DISC1: variants seen among roughly 807,000 people sequenced by gnomAD.
DISC1 encodes the protein disrupted in schizophrenia 1 protein.
Under a neutral mutation model 84.5 loss-of-function variants are expected in DISC1, and 57 were observed. That is an observed-to-expected ratio of 0.67 (90% confidence interval 0.55 to 0.84). The LOEUF is 0.84. DISC1 is among the 40% of genes least tolerant of loss of function. The pLI is 0.00. For missense variants in DISC1, 1,000 were observed against 1,057.8 expected (o/e 0.95, Z 0.76); for synonymous variants, 411 against 415.2 (o/e 0.99, Z 0.12).
chr1:232,002,124 A>T (rs1666763032), intron 10 of DISC1, among the ~76,000 whole-genome samples: 2 of 152,190 alleles, frequency 1.3e-5, no homozygotes, highest in African/African-American at 4.8e-5. Context: ...ACGTGAAAAG[A>T]TAGTCAACAT....
intron 3 of DISC1, among the ~76,000 whole-genome samples, chr1:231,734,952 T>C (rs756750349): frequency 5.3e-5 from 8 of 152,240 alleles, no homozygotes; most frequent in South Asian, 2.1e-4. Context: ...CCCTAAGCTG[T>C]TTAGCATTAA....
intron 3 of DISC1, among the ~76,000 whole-genome samples, chr1:231,714,009 TAAAG>T (rs1488497185): frequency 1.3e-5 from 2 of 151,730 alleles, no homozygotes; most frequent in Non-Finnish European, 2.9e-5. Flanking sequence ...TAGAAAATCT[TAAAG>T]AATCCACAAG....
intron 9 of DISC1, chr1:231,819,225 T>C (rs1439661751): frequency 1.3e-6 from 1 of 790,890 alleles, no homozygotes; most frequent in East Asian, 1.3e-4. Flanking sequence ...AATATATATA[T>C]GAATAAATGG....
intron 1 of DISC1, among the ~76,000 whole-genome samples, chr1:231,634,817 G>C (rs1239873980): frequency 6.6e-6 from 1 of 152,054 alleles, no homozygotes; most frequent in East Asian, 1.9e-4. Context: ...AGGCTGGGGC[G>C]GGAGGATTGC....
chr1:231,719,437 T>C (rs112596681), intron 3 of DISC1, among the ~76,000 whole-genome samples: 28 of 152,368 alleles, frequency 1.8e-4, no homozygotes, highest in African/African-American at 6.5e-4. Context: ...AATAGAATTA[T>C]AAAGCATTAG....
chr1:231,637,283 A>G (rs1442404778), intron 1 of DISC1, among the ~76,000 whole-genome samples: 1 of 152,224 alleles, frequency 6.6e-6, no homozygotes, highest in African/African-American at 2.4e-5. Flanking sequence ...ATGTATCTTT[A>G]TAGTAGAATG....
chr1:231,693,977 C>G lies in DISC1; in HGVS notation c.219C>G (p.Gly73=). The part of the protein sequence containing the change: ...TLFRFPGGVS[G]EESHHSESRA... ...TCCGGTTCCCAGGAGGGGTGTCTGGCGAGGAGTCCCACCACTCGGAGTCCA... is the reference window on the plus strand; with the variant it reads ...TCCGGTTCCCAGGAGGGGTGTCTGGGGAGGAGTCCCACCACTCGGAGTCCA... Residue 73 remains glycine, a synonymous_variant, in exon 2 of 13, where the codon GGC becomes GGG. Coordinates refer to ENST00000439617, the MANE Select transcript of DISC1 (RefSeq NM_018662.3). The G allele has an allele frequency of 6.2e-7, 1 of 1,613,978 alleles. No homozygotes were observed. Among genetic ancestry groups the G allele is most frequent in the Non-Finnish European group, 8.5e-7 (1 of 1,179,916 alleles).
intron 9 of DISC1, among the ~76,000 whole-genome samples, chr1:231,898,864 C>T (rs571534837): frequency 2.6e-5 from 4 of 151,986 alleles, no homozygotes; most frequent in South Asian, 2.1e-4. Flanking sequence ...ACCCAGCAGG[C>T]AGAGGTTGCA....
chr1:231,985,379 C>T (rs1374459502), intron 10 of DISC1, among the ~76,000 whole-genome samples: 1 of 151,580 alleles, frequency 6.6e-6, no homozygotes. Context: ...GTAGTACCCC[C>T]TTCAGTGTGT....
rs1305325448 is a variant in DISC1 at position 231,694,327 on chromosome 1, G to T, written c.569G>T (p.Gly190Val). Residue 190 changes from glycine (G) to valine (V), a missense_variant, in exon 2 of 13, where the codon GGC becomes GTC. Around this residue, in one of 3 missense-constraint regions of DISC1, gnomAD observed 292 missense variants for 280.2 expected, o/e 1.04. Transcript: ENST00000439617. ...AELSSNSCSPGCGPEVPPTPP... is the reference protein window; with the variant it reads ...AELSSNSCSPVCGPEVPPTPP... ...TTGAGTAGCAACAGCTGCAGCCCTGGCTGTGGCCCTGAGGTCCCCCCAACC... is the reference window on the plus strand; with the variant it reads ...TTGAGTAGCAACAGCTGCAGCCCTGTCTGTGGCCCTGAGGTCCCCCCAACC... The T allele has an allele frequency of 1.2e-6, 2 of 1,614,244 alleles. No homozygotes were observed. Among genetic ancestry groups the T allele is most frequent in the Non-Finnish European group, 1.7e-6 (2 of 1,180,036 alleles).
At chr1:231,654,081 G>A (rs2060857607) in intron 1 of DISC1, among the ~76,000 whole-genome samples, 1 of 152,114 alleles carries the variant, frequency 6.6e-6, no homozygotes, top group Admixed American at 6.5e-5. Context: ...GGTCTCCATG[G>A]TCCGAGCTCT....
intron 9 of DISC1, among the ~76,000 whole-genome samples, chr1:231,856,815 G>C (rs1334045040): frequency 6.6e-6 from 1 of 152,192 alleles, no homozygotes; most frequent in African/African-American, 2.4e-5. Flanking sequence ...CCAGAAAGGA[G>C]TGCCCCAAAC....
intron 6 of DISC1, among the ~76,000 whole-genome samples, chr1:231,776,132 G>A (rs1261735370): frequency 6.6e-6 from 1 of 152,122 alleles, no homozygotes; most frequent in African/African-American, 2.4e-5. Flanking sequence ...TTATGTGTCT[G>A]GAAAACCAGG....
chr1:232,032,677 G>C (rs1211875389), intron 12 of DISC1, among the ~76,000 whole-genome samples: 2 of 152,302 alleles, frequency 1.3e-5, no homozygotes, highest in East Asian at 3.9e-4. Flanking sequence ...TAAGGCACAG[G>C]CTTCATAAGA....
intron 8 of DISC1, among the ~76,000 whole-genome samples, chr1:231,811,858 G>A (rs1008979636): frequency 6.6e-6 from 1 of 152,172 alleles, no homozygotes; most frequent in Non-Finnish European, 1.5e-5. Context: ...CCTTCACAAG[G>A]TTACCTCTGG....
chr1:231,985,433 A>G (rs952876135), intron 10 of DISC1, among the ~76,000 whole-genome samples: 5 of 151,934 alleles, frequency 3.3e-5, no homozygotes, highest in African/African-American at 1.2e-4. Context: ...TTTCACCATT[A>G]CTGGCACATG....
At chr1:232,011,498 C>T (rs1286300479) in intron 11 of DISC1, among the ~76,000 whole-genome samples, 1 of 152,182 alleles carries the variant, frequency 6.6e-6, no homozygotes, top group Non-Finnish European at 1.5e-5. Flanking sequence ...GAGAGGGCAG[C>T]CGTTCTCTGA....
chr1:231,778,942 C>A (rs2077167355), intron 6 of DISC1, among the ~76,000 whole-genome samples: 1 of 152,124 alleles, frequency 6.6e-6, no homozygotes, highest in Non-Finnish European at 1.5e-5. Flanking sequence ...GTTATAATCC[C>A]TCCCTTTTGT....
At chr1:232,019,702 G>T (rs537832725) in intron 11 of DISC1, among the ~76,000 whole-genome samples, 14 of 152,272 alleles carry the variant, frequency 9.2e-5, no homozygotes, top group African/African-American at 3.4e-4. Context: ...GGTGATGGGA[G>T]AGATGGGACT....
Sources: gnomAD v4.1 joint callset for allele counts (sites outside exome capture counted in the v4.1 genomes callset) on GRCh38, gnomAD v4.1.1 for gene constraint, gnomAD v4.1.1 regional missense constraint, MANE v1.5 for transcripts, NCBI Gene and HGNC (gene_info 2026-07-23, HGNC 2026-07-21) for gene names.